Variants in DPY19L4 observed in about 807,000 individuals in gnomAD.
DPY19L4 encodes the protein probable C-mannosyltransferase DPY19L4.
A neutral mutation model predicts 102.8 loss-of-function variants in DPY19L4; 97 were observed. That is an observed-to-expected ratio of 0.94 (90% CI 0.80 to 1.12). DPY19L4 has a LOEUF of 1.12. Among genes scored for constraint, DPY19L4 ranks in the 50% most tolerant of loss-of-function variants. DPY19L4 has a pLI of 0.00. For missense variants in DPY19L4, 815 were observed against 850.4 expected (o/e 0.96, Z 0.52); for synonymous variants, 252 against 283.1 (o/e 0.89, Z 1.10).
At chr8:94,769,576 G>A (rs1271245576) in intron 12 of DPY19L4, among the ~76,000 whole-genome samples, 1 of 151,960 alleles carries the variant, frequency 6.6e-6, no homozygotes, top group Non-Finnish European at 1.5e-5. Flanking sequence ...TTGAGGCCAG[G>A]TGCAGTGGCT....
intron 6 of DPY19L4, among the ~76,000 whole-genome samples, chr8:94,740,604 G>A (rs546551953): frequency 1.4e-4 from 21 of 152,108 alleles, no homozygotes; most frequent in Admixed American, 5.9e-4. Context: ...ACAGGCGCCC[G>A]CCACCAAACC....
intron 7 of DPY19L4, among the ~76,000 whole-genome samples, 159 bp from the exon 8 acceptor site, chr8:94,761,541 G>T (rs1383090395): frequency 6.6e-6 from 1 of 152,050 alleles, no homozygotes; most frequent in African/African-American, 2.4e-5. Context: ...GTTTTTGTAA[G>T]GATTTAATAA....
chr8:94,728,239 G>A (rs1303126415), intron 2 of DPY19L4, among the ~76,000 whole-genome samples: 1 of 152,222 alleles, frequency 6.6e-6, no homozygotes, highest in Non-Finnish European at 1.5e-5. Flanking sequence ...GCGGTCTCAG[G>A]CCTGCTGTGT....
In DPY19L4 at chr8:94,765,324, A is replaced by T; in HGVS notation, c.1002+10A>T. 1 of 1,585,604 alleles carries T rather than the reference A, an allele frequency of 6.3e-7. No homozygotes were observed. The highest frequency in any genetic ancestry group is 8.5e-7 in the Non-Finnish European group (1 of 1,172,488). The stretch of plus-strand genomic sequence containing the variant: ...TGCTAAGTGCCTTCAGGTAACTAGA[A>T]TTATCTTTTTATTGTTCTTATTTTG... On this transcript the variant is annotated intron_variant, in intron 9 of 18. Coordinates refer to ENST00000414645, the MANE Select transcript of DPY19L4 (RefSeq NM_181787.3).
In DPY19L4 at chr8:94,781,107, A is replaced by G. The variant is rs1813412375; in HGVS notation, c.1656A>G (p.Glu552=). The G allele has an allele frequency of 6.3e-7, 1 of 1,589,100 alleles. No homozygotes were observed. The highest frequency in any genetic ancestry group is 1.4e-5 in the African/African-American group (1 of 72,540). The part of the protein sequence containing the change: ...WKEFFPRLMT[E]LMELQEFYDP... ...AGTTTTTTCCCAGATTAATGACAGA[A>G]TTAATGGAACTACAGGAATTCTATG... is the stretch of plus-strand genomic sequence containing the variant. The change falls in exon 16 of 19, where the codon GAA becomes GAG. Residue 552 remains glutamate, a synonymous_variant. Coordinates refer to ENST00000414645, the MANE Select transcript of DPY19L4 (RefSeq NM_181787.3).
intron 1 of DPY19L4, among the ~76,000 whole-genome samples, chr8:94,722,751 G>A (rs921507013): frequency 4.6e-5 from 7 of 151,938 alleles, no homozygotes; most frequent in East Asian, 3.9e-4. Flanking sequence ...TCTTTTGTTC[G>A]CTGTGTTAAA....
chr8:94,756,437 C>G (rs1039459741), intron 7 of DPY19L4, among the ~76,000 whole-genome samples: 4 of 152,150 alleles, frequency 2.6e-5, no homozygotes, highest in Non-Finnish European at 5.9e-5. Context: ...ATCTGTTCCA[C>G]TGTTATTTTA....
At chr8:94,779,498 T>G (rs952450820) in intron 14 of DPY19L4, among the ~76,000 whole-genome samples, 1 of 3,306 alleles carries the variant, frequency 3.0e-4, no homozygotes, top group Non-Finnish European at 6.0e-4. Flanking sequence ...AATTAAAACT[T>G]TTTTTTTTTT....
rs1262803763 is a variant in DPY19L4 at position 94,792,869 on chromosome 8, A to AT, written c.*2959_*2960insT. On this transcript the variant is annotated 3_prime_UTR_variant, in exon 19 of 19. Coordinates refer to ENST00000414645, the MANE Select transcript of DPY19L4 (RefSeq NM_181787.3). ...GACTCCATCTCAAAAAGAAAAAAAA[A>AT]GTAGAGATGGGATCTCTAGCCTCCT... 6.6e-6 allele frequency: 1 copy of AT among 152,332 alleles called. No homozygotes were observed. Among genetic ancestry groups the AT allele is most frequent in the African/African-American group, 2.4e-5 (1 of 41,576 alleles). The allele number at this position is 152,332 out of a possible 1,614,324, so 9.4% of individuals were successfully genotyped here.
intron 6 of DPY19L4, among the ~76,000 whole-genome samples, chr8:94,748,679 A>G: frequency 6.6e-6 from 1 of 152,156 alleles, no homozygotes. Context: ...ATCTGTATTT[A>G]CTGCCACTCC....
At chr8:94,734,856 G>A in intron 3 of DPY19L4, 102 bp downstream of exon 3, 1 of 1,483,124 alleles carries the variant, frequency 6.7e-7, no homozygotes, top group Admixed American at 2.2e-5. Context: ...TGGCTATTAG[G>A]AACAAAATGC....
intron 10 of DPY19L4, among the ~76,000 whole-genome samples, chr8:94,766,122 C>G (rs1563603022): frequency 6.6e-6 from 1 of 152,132 alleles, no homozygotes; most frequent in African/African-American, 2.4e-5. Context: ...GTTACTTGAG[C>G]CTGGTGGGAT....
At chr8:94,726,129 A>G (rs1051833147) in intron 1 of DPY19L4, among the ~76,000 whole-genome samples, 1 of 152,194 alleles carries the variant, frequency 6.6e-6, no homozygotes, top group African/African-American at 2.4e-5. Context: ...CAAAACACAG[A>G]TTGGGAAGTG....
At chr8:94,749,036 CAA>C (rs1404953138) in intron 6 of DPY19L4, among the ~76,000 whole-genome samples, 1 of 152,148 alleles carries the variant, frequency 6.6e-6, no homozygotes, top group South Asian at 2.1e-4. Context: ...TGGTAGCAGA[CAA>C]GAGAAGAGAG....
chr8:94,731,012 T>C (rs961028114), intron 2 of DPY19L4, among the ~76,000 whole-genome samples: 1 of 142,404 alleles, frequency 7.0e-6, no homozygotes, highest in African/African-American at 2.6e-5. Context: ...CCCAAAGTGC[T>C]GGGATTACAG....
intron 18 of DPY19L4, among the ~76,000 whole-genome samples, chr8:94,788,305 C>T (rs576432599): frequency 2.0e-4 from 30 of 151,958 alleles, no homozygotes; most frequent in South Asian, 1.9e-3. Context: ...ATTCCTTATT[C>T]ATTGCCTGTA....
chr8:94,763,786 A>G (rs1420320351), intron 8 of DPY19L4, among the ~76,000 whole-genome samples: 1 of 151,862 alleles, frequency 6.6e-6, no homozygotes, highest in Non-Finnish European at 1.5e-5. Flanking sequence ...TTGGCCTCCC[A>G]CAGTGCAGGG....
At chr8:94,732,811 C>CT (rs10624368) in intron 2 of DPY19L4, among the ~76,000 whole-genome samples, 68,817 of 127,956 alleles carry the variant, frequency 0.54, 20,574 homozygotes, top group African/African-American at 0.78. Context: ...CTTTTTCTTT[C>CT]TTTTTTTTTT....
intron 10 of DPY19L4, 21 bp downstream of exon 10, chr8:94,765,830 C>T (rs117632870): frequency 0.015 from 20,660 of 1,396,790 alleles, 198 homozygotes; most frequent in Non-Finnish European, 0.017. Flanking sequence ...CTCTGGGATT[C>T]ATATAGTAAA....
Sources: gnomAD v4.1 joint callset for allele counts (sites outside exome capture counted in the v4.1 genomes callset) on GRCh38, gnomAD v4.1.1 for gene constraint, MANE v1.5 for transcripts, NCBI Gene and HGNC (gene_info 2026-07-23, HGNC 2026-07-21) for gene names.